The following PITPNM3 variants were observed in gnomAD, a reference collection of about 807,000 sequenced individuals.
PITPNM3 encodes the protein membrane-associated phosphatidylinositol transfer protein 3.
PITPNM3 carries 26 observed loss-of-function variants against 102.0 expected under a neutral mutation model. That is an observed-to-expected ratio of 0.25 (90% CI 0.19 to 0.35). The LOEUF (loss-of-function observed/expected upper bound fraction) is 0.35, where lower values mean the gene tolerates loss of function less well. Among genes scored for constraint, PITPNM3 ranks in the 10% least tolerant of loss-of-function variants. The probability of loss-of-function intolerance (pLI) is 1.00; values close to 1 mark genes in which losing one functional copy is unlikely to be tolerated. For missense variants in PITPNM3, 1,083 were observed against 1,346.1 expected (o/e 0.80, Z 3.06); for synonymous variants, 578 against 558.6 (o/e 1.03, Z -0.49).
intron 1 of PITPNM3, among the ~76,000 whole-genome samples, chr17:6,547,012 A>G (rs545735967): frequency 6.6e-6 from 1 of 152,278 alleles, no homozygotes; most frequent in Admixed American, 6.5e-5. Flanking sequence ...GTCTCAAAAA[A>G]AAAAAAGAAA....
At position 6,483,489 on chromosome 17, in the gene PITPNM3, C is replaced by A. The variant is rs780357603; in HGVS notation, c.587+28G>T. 13 of 1,596,796 alleles carry A rather than the reference C, an allele frequency of 8.1e-6. No homozygotes were observed. In the African/African-American group the frequency reaches 1.7e-4, roughly 21 times the overall value. On this transcript the variant is annotated intron_variant, in intron 6 of 19. Coordinates refer to ENST00000262483, the MANE Select transcript of PITPNM3 (RefSeq NM_031220.4). ...ACTTAGTTCCCCCACCAACCCCAAC[C>A]AGTTCAAACAAGCAGAAATGGACTC... is the stretch of plus-strand genomic sequence containing the variant.
intron 3 of PITPNM3, among the ~76,000 whole-genome samples, chr17:6,509,010 C>T (rs1351338763): frequency 1.3e-5 from 2 of 152,210 alleles, no homozygotes; most frequent in Admixed American, 1.3e-4. Flanking sequence ...ATGGGCCTGA[C>T]AGCTTTGCCT....
In PITPNM3 at chr17:6,470,052, G is replaced by A. The variant is rs77587736; in HGVS notation, c.1773+208C>T. Among the ~76,000 whole-genome samples, 1,639 of 152,340 alleles carry A rather than the reference G, an allele frequency of 0.011. 51 individuals are homozygous for A. In the East Asian group the frequency reaches 0.12, roughly 11 times the overall value. ...TTTTCTAGAGTGTACCATGCCGTCA[G>A]CCACCCAGGAGCCAATGTCTTTATG... On this transcript the variant is annotated intron_variant, in intron 13 of 19. Coordinates refer to ENST00000262483, the MANE Select transcript of PITPNM3 (RefSeq NM_031220.4). This position sits in a 1 kb window ranked among gnomAD's most constrained non-coding sequence, Gnocchi z 4.8.
intron 18 of PITPNM3, chr17:6,461,087 T>C (rs1312415264): frequency 9.9e-6 from 5 of 503,434 alleles, no homozygotes; most frequent in Non-Finnish European, 1.8e-5. Context: ...CACTTAAATG[T>C]CTATTGGATG....
chr17:6,492,468 C>T (rs1035685860), intron 4 of PITPNM3, among the ~76,000 whole-genome samples: 1 of 152,076 alleles, frequency 6.6e-6, no homozygotes, highest in African/African-American at 2.4e-5. Flanking sequence ...AGCTGACAGG[C>T]TAATGAGGGA....
intron 3 of PITPNM3, among the ~76,000 whole-genome samples, chr17:6,523,571 C>G (rs1394283370): frequency 3.3e-5 from 5 of 152,198 alleles, no homozygotes; most frequent in Non-Finnish European, 7.3e-5. Context: ...CTTTAGCAGA[C>G]AAGTGGGGAT....
intron 2 of PITPNM3, among the ~76,000 whole-genome samples, chr17:6,536,432 T>G (rs1909434202): frequency 6.6e-6 from 1 of 152,182 alleles, no homozygotes; most frequent in African/African-American, 2.4e-5. Flanking sequence ...GTGGGTTAGT[T>G]GCTATGGAGA....
intron 3 of PITPNM3, among the ~76,000 whole-genome samples, chr17:6,507,767 C>T (rs8070393): frequency 0.011 from 1,646 of 152,204 alleles, 22 homozygotes; most frequent in African/African-American, 0.038. Flanking sequence ...AGGACTCCAG[C>T]GCAGGGAGGA....
intron 3 of PITPNM3, among the ~76,000 whole-genome samples, chr17:6,518,066 G>A (rs1270646734): frequency 6.6e-6 from 1 of 151,968 alleles, no homozygotes; most frequent in East Asian, 1.9e-4. Flanking sequence ...AACTCATAAG[G>A]AACATTCACA....
chr17:6,461,082 A>T (rs931935179), intron 18 of PITPNM3: 21 of 491,178 alleles, frequency 4.3e-5, no homozygotes, highest in South Asian at 6.1e-5. Flanking sequence ...ATCGGCACTT[A>T]AATGTCTATT....
rs560471876 is a variant in PITPNM3 at position 6,518,017 on chromosome 17, C to T, written c.226+7339G>A. ...CTTTAATTTTATAGAGAATTTATAA[C>T]CCAACATATACAGTATATAGATAAT... On this transcript the variant is annotated intron_variant, in intron 3 of 19. Coordinates refer to ENST00000262483, the MANE Select transcript of PITPNM3 (RefSeq NM_031220.4). Among the ~76,000 whole-genome samples, 3 of 152,098 alleles carry T rather than the reference C, an allele frequency of 2.0e-5. 1 individual carries two copies. In the South Asian group the frequency reaches 6.2e-4, roughly 32 times the overall value.
Position 6,478,142 on chromosome 17 carries a change from C to T in PITPNM3, c.778-45G>A. 6.2e-7 allele frequency: 1 copy of T among 1,609,958 alleles called. No homozygotes were observed. The highest frequency in any genetic ancestry group is 8.5e-7 in the Non-Finnish European group (1 of 1,179,902). ...GACTGCAGGCCTGCCCACTGCTGAC[C>T]CCTCACCCCCACACCCGGCCAGAGC... On this transcript the variant is annotated intron_variant, in intron 7 of 19. Coordinates refer to ENST00000262483, the MANE Select transcript of PITPNM3 (RefSeq NM_031220.4). The surrounding 1 kb of genome is among the most constrained non-coding windows in gnomAD (Gnocchi z 4.4).
chr17:6,458,004 G>A lies in PITPNM3; in HGVS notation c.2491-282C>T, dbSNP rs1914181196. 6.6e-6 allele frequency among the ~76,000 whole-genome samples: 1 copy of A among 152,150 alleles called. No individual in the cohort carries two copies. Among genetic ancestry groups the A allele is most frequent in the Admixed American group, 6.5e-5 (1 of 15,284 alleles). On this transcript the variant is annotated intron_variant, in intron 18 of 19. Coordinates refer to ENST00000262483, the MANE Select transcript of PITPNM3 (RefSeq NM_031220.4). This position sits in a 1 kb window ranked among gnomAD's most constrained non-coding sequence, Gnocchi z 5.1. ...ACACTCAGGTTAAGTAATAATGAAGGCAAGCGTTCCTTTGTGGATAAGGAA... is the reference window on the plus strand; with the variant it reads ...ACACTCAGGTTAAGTAATAATGAAGACAAGCGTTCCTTTGTGGATAAGGAA...
chr17:6,478,830 C>T lies in PITPNM3; in HGVS notation c.588-94G>A. On this transcript the variant is annotated intron_variant, in intron 6 of 19. Transcript: ENST00000262483. This position sits in a 1 kb window ranked among gnomAD's most constrained non-coding sequence, Gnocchi z 4.4. ...CAGGCAGAAGAGAGCACATACTGGC[C>T]AGGAATTGGGCTCCAGGGACCCTTC... The T allele has an allele frequency of 1.5e-6, 2 of 1,302,902 alleles. No homozygotes were observed. Among genetic ancestry groups the T allele is most frequent in the Non-Finnish European group, 2.1e-6 (2 of 960,108 alleles). The allele number at this position is 1,302,902 out of a possible 1,614,324, so 80.7% of individuals were successfully genotyped here. A position where few individuals can be genotyped will look rare whatever the true frequency, so the allele number is the denominator to read the frequency against.
At chr17:6,520,872 A>T (rs1597399465) in intron 3 of PITPNM3, among the ~76,000 whole-genome samples, 2 of 152,346 alleles carry the variant, frequency 1.3e-5, no homozygotes, top group East Asian at 3.9e-4. Flanking sequence ...GCTAAGTCAA[A>T]CAGGCCAGAC....
chr17:6,552,596 G>A (rs1046125528), intron 1 of PITPNM3, among the ~76,000 whole-genome samples: 2 of 151,842 alleles, frequency 1.3e-5, no homozygotes, highest in Non-Finnish European at 2.9e-5. Context: ...GCATTCTTCC[G>A]CTCCAGCCAG....
chr17:6,472,555 T>G lies in PITPNM3; in HGVS notation c.1429+102A>C, dbSNP rs1175332512. 7.0e-7 allele frequency: 1 copy of G among 1,437,248 alleles called. No individual in the cohort carries two copies. Among genetic ancestry groups the G allele is most frequent in the East Asian group, 2.5e-5 (1 of 40,304 alleles). 89.0% of individuals were successfully genotyped at this position (1,437,248 alleles called of 1,614,324 possible). On this transcript the variant is annotated intron_variant, in intron 11 of 19. Coordinates refer to ENST00000262483, the MANE Select transcript of PITPNM3 (RefSeq NM_031220.4). This position sits in a 1 kb window ranked among gnomAD's most constrained non-coding sequence, Gnocchi z 4.1. ...GCTAACCTTCTGTTCTCACAGCCCC[T>G]GCTCAGGTGAGTCACCCTACTCACT...
At chr17:6,516,897 A>G (rs551068253) in intron 3 of PITPNM3, among the ~76,000 whole-genome samples, 55 of 152,170 alleles carry the variant, frequency 3.6e-4, no homozygotes, top group Admixed American at 5.2e-4. Flanking sequence ...AAAAAATTTA[A>G]AAACGTAAAT....
chr17:6,482,018 CTCTCTCTCTCTCTCTCTG>C (rs1567670219), intron 6 of PITPNM3, among the ~76,000 whole-genome samples: 34 of 108,850 alleles, frequency 3.1e-4, no homozygotes, highest in African/African-American at 1.3e-3. Flanking sequence ...CTCTCTCTCT[CTCTCTCTCTCTCTCTCTG>C]TCTGTCTCTC....
Sources: allele counts gnomAD v4.1 joint callset (sites outside exome capture counted in the v4.1 genomes callset), GRCh38; gene constraint gnomAD v4.1.1; non-coding constraint Gnocchi (gnomAD v3.1); transcripts MANE v1.5; gene names NCBI Gene and HGNC (gene_info 2026-07-23, HGNC 2026-07-21).